ATL3: variants seen among roughly 807,000 people sequenced by gnomAD.
ATL3 encodes atlastin GTPase 3.
ATL3 carries 49 observed loss-of-function variants against 69.5 expected under a neutral mutation model. The observed-to-expected ratio is 0.71, with a 90% CI of 0.56 to 0.89. The LOEUF (loss-of-function observed/expected upper bound fraction) is 0.89. Ranked by LOEUF, ATL3 falls within the 40% of genes least tolerant of loss-of-function variation. ATL3 has a pLI of 0.00. For synonymous variants in ATL3, 214 were observed against 224.1 expected, an observed-to-expected ratio of 0.95 and a Z score of 0.40; for missense variants, 606 against 645.7, an observed-to-expected ratio of 0.94 and a Z score of 0.67.
At chr11:63,666,565 C>T (rs1350617532) in intron 1 of ATL3, among the ~76,000 whole-genome samples, 2 of 151,828 alleles carry the variant, frequency 1.3e-5, no homozygotes, top group Non-Finnish European at 2.9e-5. Context: ...GGGTCAAGTG[C>T]TAACTGGGTG....
intron 6 of ATL3, among the ~76,000 whole-genome samples, chr11:63,644,842 T>C (rs1565275130): frequency 6.6e-6 from 1 of 152,156 alleles, no homozygotes; most frequent in South Asian, 2.1e-4. Context: ...AATGGTAAAT[T>C]TGGGACTCTG....
intron 11 of ATL3, 110 bp from the exon 12 acceptor site, chr11:63,631,581 T>C (rs1359934592): frequency 1.0e-6 from 1 of 977,258 alleles, no homozygotes; most frequent in Non-Finnish European, 1.5e-6. Context: ...GTTAACAATG[T>C]ATTAATAAGT....
At chr11:63,648,006 GACAAC>G (rs1939940952) in intron 5 of ATL3, among the ~76,000 whole-genome samples, 2 of 152,162 alleles carry the variant, frequency 1.3e-5, no homozygotes, top group Non-Finnish European at 2.9e-5. Context: ...GAGTCCAGCT[GACAAC>G]TAGGAAATAT....
intron 6 of ATL3, among the ~76,000 whole-genome samples, chr11:63,645,456 C>T (rs74735270): frequency 6.6e-6 from 1 of 151,980 alleles, no homozygotes; most frequent in Non-Finnish European, 1.5e-5. Flanking sequence ...CTGAAAGCAC[C>T]TCTAATCCCA....
chr11:63,647,706 C>T (rs1939930847), intron 5 of ATL3, among the ~76,000 whole-genome samples: 2 of 152,184 alleles, frequency 1.3e-5, no homozygotes, highest in South Asian at 4.1e-4. Context: ...TTAAGGTTTA[C>T]ATGTATATTT....
At chr11:63,641,791 T>A (rs920986959) in intron 8 of ATL3, among the ~76,000 whole-genome samples, 6 of 152,106 alleles carry the variant, frequency 3.9e-5, no homozygotes, top group Non-Finnish European at 5.9e-5. Flanking sequence ...AAAGCCAGGG[T>A]TACTGAACTT....
Position 63,652,525 on chromosome 11 carries a change from AG to A in ATL3, c.455del (p.Thr152MetfsTer2), listed in dbSNP as rs1347091014. 1.9e-6 allele frequency: 3 copies of A among 1,612,254 alleles called. No homozygotes were observed. In the African/African-American group the frequency reaches 4.0e-5, roughly 22 times the overall value. Reference sequence around the variant, plus strand: ...CAAAGATGGTAGCACAGTCTTTCACAGTTGACTGGCTGTCAAATGCCCCCTG... The same window carrying A: ...CAAAGATGGTAGCACAGTCTTTCACATTGACTGGCTGTCAAATGCCCCCTG... ...DTQGAFDSQS[T>X]VKDCATIFAL... On this transcript the variant is annotated frameshift_variant, in exon 4 of 13. Transcript: ENST00000398868. LOFTEE classifies it high-confidence loss of function.
At chr11:63,664,368 A>G (rs1029509606) in intron 1 of ATL3, among the ~76,000 whole-genome samples, 1 of 151,828 alleles carries the variant, frequency 6.6e-6, no homozygotes, top group African/African-American at 2.4e-5. Context: ...GTGAAACCCC[A>G]TCTCTACCAA....
chr11:63,644,382 C>CT lies in ATL3; in HGVS notation c.619-122dup, dbSNP rs5792299. On this transcript the variant is annotated intron_variant, in intron 6 of 12. Transcript: ENST00000398868. ...AAGGGGGTAAAGTAGAAGGATTTAC[C>CT]TTTTTTTTTTTTTTTTTTTTTTAAA... is the stretch of plus-strand genomic sequence containing the variant. 0.087 allele frequency: 29,474 copies of CT among 340,634 alleles called. 133 individuals carry two copies. Among genetic ancestry groups the CT allele is most frequent in the South Asian group, 0.11 (3,960 of 36,778 alleles). The allele number at this position is 340,634 out of a possible 1,614,324, so 21.1% of individuals were successfully genotyped here. A position where few individuals can be genotyped will look rare whatever the true frequency, so the allele number is the denominator to read the frequency against.
At position 63,659,127 on chromosome 11, in the gene ATL3, G is replaced by A. The variant is rs1326004545; in HGVS notation, c.172C>T (p.Leu58Phe). ...GCCACTGAAACCACCACCACATCAA[G>A]ATCTCGGATGTGGTCCTGCAAGAGG... is the stretch of plus-strand genomic sequence containing the variant. Reference protein sequence around the residue: ...SILLQDHIRDLDVVVVSVAGA... With the variant: ...SILLQDHIRDFDVVVVSVAGA... Residue 58 changes from leucine (L) to phenylalanine (F), a missense_variant, in exon 2 of 13, where the codon CTT becomes TTT. By Grantham distance (22) the Leu-to-Phe change is conservative. Transcript: ENST00000398868. 5.6e-6 allele frequency: 9 copies of A among 1,613,938 alleles called. No individual in the cohort carries two copies. The Admixed American group carries it at 1.0e-4, about 18-fold the overall frequency.
Position 63,659,175 on chromosome 11 carries a change from C to T in ATL3, c.124G>A (p.Asp42Asn), listed in dbSNP as rs775391476. The change falls in exon 2 of 13, where the codon GAT becomes AAT. Residue 42 changes from aspartate to asparagine, a missense_variant. Physicochemically the swap from Asp to Asn is conservative, Grantham distance 23. Transcript: ENST00000398868. Reference protein sequence around the residue: ...VQKDQHSFELDEKALASILLQ... With the variant: ...VQKDQHSFELNEKALASILLQ... ...AGGATGCTGGCCAAGGCTTTCTCAT[C>T]TAGCTCAAAGGAATGTTGATCTTTC... The T allele has an allele frequency of 6.2e-7, 1 of 1,614,146 alleles. No homozygotes were observed. The highest frequency in any genetic ancestry group is 1.7e-5 in the Admixed American group (1 of 60,008).
At chr11:63,630,657 G>A (rs763752078) in intron 12 of ATL3, among the ~76,000 whole-genome samples, 4 of 151,470 alleles carry the variant, frequency 2.6e-5, no homozygotes, top group Non-Finnish European at 5.9e-5. Flanking sequence ...CTAGCGGGCC[G>A]TGGTGGCACA....
chr11:63,641,889 G>A (rs1939711805), intron 8 of ATL3, among the ~76,000 whole-genome samples: 1 of 152,082 alleles, frequency 6.6e-6, no homozygotes, highest in South Asian at 2.1e-4. Flanking sequence ...AACTATGGAA[G>A]AATGCCATGT....
chr11:63,660,574 G>A (rs539202487), intron 1 of ATL3, among the ~76,000 whole-genome samples: 67 of 152,308 alleles, frequency 4.4e-4, no homozygotes, highest in African/African-American at 1.5e-3. Context: ...ATACACCTAA[G>A]AGAAATGAAT....
At chr11:63,644,890 AAG>A (rs1186729202) in intron 6 of ATL3, among the ~76,000 whole-genome samples, 1 of 152,140 alleles carries the variant, frequency 6.6e-6, no homozygotes, top group East Asian at 1.9e-4. Context: ...TAAAGGACAA[AAG>A]AGAAAACCAC....
intron 3 of ATL3, among the ~76,000 whole-genome samples, chr11:63,654,741 G>C (rs1352599708): frequency 7.1e-6 from 1 of 140,752 alleles, no homozygotes; most frequent in Non-Finnish European, 1.5e-5. Context: ...TCGTCACCCA[G>C]GCTGGAGTGC....
intron 1 of ATL3, among the ~76,000 whole-genome samples, chr11:63,669,264 G>A (rs987925951): frequency 1.3e-5 from 2 of 152,112 alleles, no homozygotes; most frequent in Non-Finnish European, 1.5e-5. Context: ...GCCAGGCGCC[G>A]TGGCTCACAC....
At chr11:63,669,119 C>A (rs1413854176) in intron 1 of ATL3, among the ~76,000 whole-genome samples, 1 of 151,476 alleles carries the variant, frequency 6.6e-6, no homozygotes, top group Non-Finnish European at 1.5e-5. Context: ...AGGAGTAAAC[C>A]ACAGCTCCCG....
Position 63,652,040 on chromosome 11 carries a change from C to G in ATL3, c.511-54G>C, listed in dbSNP as rs1940094864. On this transcript the variant is annotated intron_variant, in intron 4 of 12. Transcript: ENST00000398868. ...ACTCTGGCTTACTTCAAACAAATCC[C>G]AAATAAGCCTAAAGGGCTGACAGAA... is the stretch of plus-strand genomic sequence containing the variant. 3.2e-6 allele frequency: 5 copies of G among 1,568,740 alleles called. No homozygotes were observed. The Admixed American group carries it at 1.0e-4, about 33-fold the overall frequency.
Sources: allele counts gnomAD v4.1 joint callset (sites outside exome capture counted in the v4.1 genomes callset), GRCh38; gene constraint gnomAD v4.1.1; transcripts MANE v1.5; gene names NCBI Gene and HGNC (gene_info 2026-07-23, HGNC 2026-07-21).